Variants in B4GALT1 observed in about 807,000 individuals in gnomAD.
B4GALT1 encodes beta-1,4-galactosyltransferase 1.
B4GALT1 carries 16 observed loss-of-function variants against 34.9 expected under a neutral mutation model. That is an observed-to-expected ratio of 0.46 (90% CI 0.31 to 0.70). B4GALT1 has a LOEUF of 0.70. Among genes scored for constraint, B4GALT1 ranks in the 30% least tolerant of loss-of-function variants. The pLI, the probability that B4GALT1 is intolerant of heterozygous loss-of-function variation, is 0.05. For synonymous variants in B4GALT1, 221 were observed against 218.1 expected (o/e 1.01, Z -0.12); for missense variants, 445 against 530.5 (o/e 0.84, Z 1.58).
the B4GALT1 span, among the ~76,000 whole-genome samples, chr9:33,173,275 A>G: frequency 6.6e-6 from 1 of 152,136 alleles, no homozygotes; most frequent in Admixed American, 6.6e-5. Context: ...TTAGTGGCAC[A>G]TGCCTGTAAT....
the B4GALT1 span, among the ~76,000 whole-genome samples, chr9:33,173,392 G>C: frequency 6.8e-6 from 1 of 146,348 alleles, no homozygotes; most frequent in African/African-American, 2.5e-5. Context: ...TCTACAGAAC[G>C]AGACTCCGTC....
At chr9:33,153,781 A>G (rs186313590) in intron 1 of B4GALT1, among the ~76,000 whole-genome samples, 1 of 152,278 alleles carries the variant, frequency 6.6e-6, no homozygotes, top group African/African-American at 2.4e-5. Context: ...AGATATTTAA[A>G]GAAGAATTAA....
At chr9:33,182,524 C>G in the B4GALT1 span, among the ~76,000 whole-genome samples, 2 of 152,156 alleles carry the variant, frequency 1.3e-5, no homozygotes, top group Admixed American at 6.5e-5. Flanking sequence ...TCAGACTCCC[C>G]CTGGACTGAC....
chr9:33,174,737 A>AGCTG, the B4GALT1 span, among the ~76,000 whole-genome samples: 1 of 148,154 alleles, frequency 6.7e-6, no homozygotes, highest in Non-Finnish European at 1.5e-5. Context: ...CAGGCAGATC[A>AGCTG]CTTGAGGCCA....
upstream of B4GALT1, among the ~76,000 whole-genome samples, chr9:33,167,609 G>A (rs1221452557): frequency 6.6e-6 from 1 of 152,238 alleles, no homozygotes; most frequent in African/African-American, 2.4e-5. Flanking sequence ...GCGTTGAGCC[G>A]CGCCTCCTCT....
chr9:33,167,328 C>G lies in B4GALT1; in HGVS notation c.-159G>C, dbSNP rs886063878. On this transcript the variant is annotated 5_prime_UTR_variant, in exon 1 of 6. Coordinates refer to ENST00000379731, the MANE Select transcript of B4GALT1 (RefSeq NM_001497.4). ...GCTGAGACTCCTCCAGCCAGCCAGA[C>G]CTGGGAGCGGCGAGAAGCCGCCCGA... 3.0e-6 allele frequency: 3 copies of G among 986,848 alleles called. No individual in the cohort carries two copies. Among genetic ancestry groups the G allele is most frequent in the Non-Finnish European group, 1.3e-6 (1 of 752,556 alleles). 61.1% of individuals were successfully genotyped at this position (986,848 alleles called of 1,614,324 possible).
intron 1 of B4GALT1, among the ~76,000 whole-genome samples, chr9:33,165,090 G>C (rs918875936): frequency 2.0e-5 from 3 of 150,100 alleles, no homozygotes; most frequent in Non-Finnish European, 4.4e-5. Flanking sequence ...CTCCTGCCTC[G>C]GCCTCCTGAG....
chr9:33,149,277 TATTTA>T (rs1197456714), intron 1 of B4GALT1, among the ~76,000 whole-genome samples: 1 of 151,748 alleles, frequency 6.6e-6, no homozygotes, highest in Non-Finnish European at 1.5e-5. Context: ...AAAATTTTTT[TATTTA>T]TTTACTTTTT....
the B4GALT1 span, among the ~76,000 whole-genome samples, chr9:33,182,565 C>A: frequency 6.6e-6 from 1 of 152,114 alleles, no homozygotes; most frequent in Admixed American, 6.5e-5. Flanking sequence ...TTACTCCTCC[C>A]TTTTTTCCCC....
At chr9:33,131,719 C>A (rs544294987) in intron 2 of B4GALT1, among the ~76,000 whole-genome samples, 1 of 152,320 alleles carries the variant, frequency 6.6e-6, no homozygotes, top group South Asian at 2.1e-4. Flanking sequence ...GCTCAACAAA[C>A]AGTGCAGAAA....
downstream of B4GALT1, among the ~76,000 whole-genome samples, chr9:33,107,610 A>T (rs1839808258): frequency 6.6e-6 from 1 of 152,182 alleles, no homozygotes; most frequent in African/African-American, 2.4e-5. Flanking sequence ...AAGAGGTGGT[A>T]TGTGGGGGAT....
At chr9:33,149,115 T>G (rs916724952) in intron 1 of B4GALT1, among the ~76,000 whole-genome samples, 1 of 151,400 alleles carries the variant, frequency 6.6e-6, no homozygotes, top group Non-Finnish European at 1.5e-5. Flanking sequence ...TCAACTACCA[T>G]AATAACTGAT....
chr9:33,154,564 T>G (rs1025280846), intron 1 of B4GALT1, among the ~76,000 whole-genome samples: 14 of 152,364 alleles, frequency 9.2e-5, no homozygotes, highest in Admixed American at 2.0e-4. Flanking sequence ...GGTTGGCATG[T>G]AATAAGTGCT....
intron 2 of B4GALT1, among the ~76,000 whole-genome samples, chr9:33,134,452 A>C (rs1840238141): frequency 6.6e-6 from 1 of 152,220 alleles, no homozygotes. Flanking sequence ...TGAAATATCA[A>C]AGTTATACTC....
At chr9:33,135,890 A>AGAGAGT (rs1554686806) in intron 1 of B4GALT1, among the ~76,000 whole-genome samples, 3 of 104,046 alleles carry the variant, frequency 2.9e-5, no homozygotes, top group African/African-American at 1.0e-4. Flanking sequence ...TAACTGGGGA[A>AGAGAGT]GTGTGTGTGT....
At chr9:33,178,536 A>G in the B4GALT1 span, among the ~76,000 whole-genome samples, 89 of 152,312 alleles carry the variant, frequency 5.8e-4, no homozygotes, top group African/African-American at 1.9e-3. Flanking sequence ...ACTTGTTCTC[A>G]TGACCCGAAG....
At position 33,113,068 on chromosome 9, in the gene B4GALT1, G is replaced by A. The variant is rs10971412; in HGVS notation, c.*386C>T. 13,261 of 286,546 alleles carry A rather than the reference G, an allele frequency of 0.046. 343 individuals carry two copies. The highest frequency in any genetic ancestry group is 0.061 in the Non-Finnish European group (8,922 of 145,844). 17.8% of individuals were successfully genotyped at this position (286,546 alleles called of 1,614,324 possible). A position where few individuals can be genotyped will look rare whatever the true frequency, so the allele number is the denominator to read the frequency against. The stretch of plus-strand genomic sequence containing the variant: ...CAATCCAATTTTAGCAGCACTCTCC[G>A]AATTTTCACGAATAAGAAAACCATA... On this transcript the variant is annotated 3_prime_UTR_variant, in exon 6 of 6. Transcript: ENST00000379731.
At chr9:33,181,245 C>G in the B4GALT1 span, among the ~76,000 whole-genome samples, 1 of 152,014 alleles carries the variant, frequency 6.6e-6, no homozygotes, top group Non-Finnish European at 1.5e-5. Context: ...CATAGTGAGA[C>G]CTTGTCTCTA....
chr9:33,127,861 A>G (rs1840135677), intron 2 of B4GALT1, among the ~76,000 whole-genome samples: 1 of 152,268 alleles, frequency 6.6e-6, no homozygotes, highest in African/African-American at 2.4e-5. Context: ...CAGACCCTGT[A>G]TGACGGGCTG....
Sources: allele counts gnomAD v4.1 joint callset (sites outside exome capture counted in the v4.1 genomes callset), GRCh38; gene constraint gnomAD v4.1.1; transcripts MANE v1.5; gene names NCBI Gene and HGNC (gene_info 2026-07-23, HGNC 2026-07-21).